GMCL1: variants seen among roughly 807,000 people sequenced by gnomAD.
GMCL1 encodes the protein germ cell-less 1, spermatogenesis associated, also known as germ cell-less protein-like 1.
GMCL1 carries 54 observed loss-of-function variants against 75.5 expected under a neutral mutation model. That is an observed-to-expected ratio of 0.71 (90% CI 0.57 to 0.90). The LOEUF (loss-of-function observed/expected upper bound fraction) is 0.90. Among genes scored for constraint, GMCL1 ranks in the 40% least tolerant of loss-of-function variants. The probability of loss-of-function intolerance (pLI) is 0.00; values close to 1 mark genes in which losing one functional copy is unlikely to be tolerated. For missense variants in GMCL1, 537 were observed against 622.7 expected (o/e 0.86, Z 1.47); for synonymous variants, 210 against 209.6 (o/e 1.00, Z -0.02).
chr2:69,831,657 G>A (rs1294800652), intron 1 of GMCL1, among the ~76,000 whole-genome samples: 1 of 151,986 alleles, frequency 6.6e-6, no homozygotes, highest in Non-Finnish European at 1.5e-5. Context: ...GCCCAGGCTG[G>A]AATGCAGTGG....
Position 69,849,667 on chromosome 2 carries a change from C to T in GMCL1, c.859C>T (p.Leu287Phe). 1.3e-6 allele frequency: 2 copies of T among 1,573,452 alleles called. No homozygotes were observed. The highest frequency in any genetic ancestry group is 1.7e-6 in the Non-Finnish European group (2 of 1,160,096). Residue 287 changes from leucine to phenylalanine, a missense_variant, in exon 8 of 14, where the codon CTT becomes TTT. By Grantham distance (22) the Leu-to-Phe change is conservative. Around this residue, in one of 3 missense-constraint regions of GMCL1, gnomAD observed 345 missense variants for 410.5 expected, o/e 0.84. Transcript: ENST00000282570. ...TTTAACTTAGTGGATGTTCCTTCAACTTGTGCCTTCTTGGAATGGATCTTT... is the reference window on the plus strand; with the variant it reads ...TTTAACTTAGTGGATGTTCCTTCAATTTGTGCCTTCTTGGAATGGATCTTT... ...TALKKWMFLQ[L>F]VPSWNGSLKQ...
intron 13 of GMCL1, 145 bp downstream of exon 13, chr2:69,871,977 G>C: frequency 1.7e-6 from 1 of 574,834 alleles, no homozygotes; most frequent in Non-Finnish European, 3.0e-6. Context: ...AAAGATGAAA[G>C]TACCACATTC....
chr2:69,869,545 C>T (rs899598662), intron 11 of GMCL1, 174 bp from the exon 12 acceptor site: 18 of 549,566 alleles, frequency 3.3e-5, no homozygotes, highest in Admixed American at 2.9e-4. Context: ...GCTTTTCTAG[C>T]TTAGATAAAT....
In GMCL1 at chr2:69,838,808, G is replaced by A. The variant is rs117773709; in HGVS notation, c.385-649G>A. Among the ~76,000 whole-genome samples the A allele has an allele frequency of 1.9e-4, 29 of 152,208 alleles. No homozygotes were observed. The East Asian group carries it at 5.6e-3, about 29-fold the overall frequency. ...TCGTGGAAGATGTATTATAATTCAAGCCACATGCTAAAATATAAGCCCCCT... is the reference window on the plus strand; with the variant it reads ...TCGTGGAAGATGTATTATAATTCAAACCACATGCTAAAATATAAGCCCCCT... On this transcript the variant is annotated intron_variant, in intron 2 of 13. Coordinates refer to ENST00000282570, the MANE Select transcript of GMCL1 (RefSeq NM_178439.5).
At chr2:69,858,689 A>AAG (rs1388027744) in intron 9 of GMCL1, among the ~76,000 whole-genome samples, 21 of 152,186 alleles carry the variant, frequency 1.4e-4, no homozygotes, top group African/African-American at 5.1e-4. Flanking sequence ...CATGGGACCT[A>AAG]GAATCCTTGA....
At chr2:69,845,905 C>T (rs982617718) in intron 6 of GMCL1, among the ~76,000 whole-genome samples, 15 of 150,654 alleles carry the variant, frequency 1.0e-4, no homozygotes, top group African/African-American at 3.7e-4. Flanking sequence ...TGGAAATGTA[C>T]AAAACCAAAG....
intron 8 of GMCL1, among the ~76,000 whole-genome samples, chr2:69,852,158 G>C (rs1675336849): frequency 6.6e-6 from 1 of 152,220 alleles, no homozygotes. Context: ...AGTAGAAACA[G>C]TAGATATTAG....
At chr2:69,858,705 C>CA (rs1675552716) in intron 9 of GMCL1, among the ~76,000 whole-genome samples, 1 of 152,068 alleles carries the variant, frequency 6.6e-6, no homozygotes, top group Admixed American at 6.5e-5. Context: ...CTTGAGCTAC[C>CA]AATGACCAGA....
intron 8 of GMCL1, among the ~76,000 whole-genome samples, chr2:69,850,094 C>T (rs1675270489): frequency 6.6e-6 from 1 of 152,166 alleles, no homozygotes; most frequent in African/African-American, 2.4e-5. Flanking sequence ...TTTTCTCTAA[C>T]AAGCTATACC....
At chr2:69,833,142 T>A (rs1674722334) in intron 1 of GMCL1, among the ~76,000 whole-genome samples, 1 of 152,234 alleles carries the variant, frequency 6.6e-6, no homozygotes, top group Non-Finnish European at 1.5e-5. Flanking sequence ...AGGCTAAAGA[T>A]ATTTACTATC....
At chr2:69,869,625 G>A (rs1675926374) in intron 11 of GMCL1, 94 bp from the exon 12 acceptor site, 1 of 1,249,878 alleles carries the variant, frequency 8.0e-7, no homozygotes, top group Non-Finnish European at 1.1e-6. Context: ...GAAATACTTG[G>A]AATGAGTTAG....
intron 12 of GMCL1, among the ~76,000 whole-genome samples, chr2:69,870,680 C>G (rs1315728458): frequency 6.6e-6 from 1 of 152,170 alleles, no homozygotes; most frequent in African/African-American, 2.4e-5. Flanking sequence ...GAAAACTCAA[C>G]TCAGCTCAAA....
At chr2:69,831,514 T>C (rs960585157) in intron 1 of GMCL1, among the ~76,000 whole-genome samples, 10 of 152,114 alleles carry the variant, frequency 6.6e-5, no homozygotes, top group African/African-American at 2.2e-4. Flanking sequence ...CACCTAAGCC[T>C]CCCAAAGGGC....
intron 6 of GMCL1, among the ~76,000 whole-genome samples, chr2:69,846,117 T>G (rs1675132092): frequency 6.6e-6 from 1 of 151,894 alleles, no homozygotes; most frequent in African/African-American, 2.4e-5. Flanking sequence ...GATTATGGGG[T>G]TTTTTTCCTT....
At chr2:69,833,118 C>G (rs114171226) in intron 1 of GMCL1, among the ~76,000 whole-genome samples, 3 of 152,226 alleles carry the variant, frequency 2.0e-5, no homozygotes, top group Non-Finnish European at 2.9e-5. Context: ...TATTTGGAGG[C>G]CTTTTGGCCC....
Position 69,841,009 on chromosome 2 carries a change from C to A in GMCL1, c.549C>A (p.Ala183=), listed in dbSNP as rs758981584. 8 of 1,613,802 alleles carry A rather than the reference C, an allele frequency of 5.0e-6. No homozygotes were observed. Among genetic ancestry groups the A allele is most frequent in the Non-Finnish European group, 6.8e-6 (8 of 1,179,894 alleles). The part of the protein sequence containing the change: ...DVLIKPSRVV[A]ILAAACLLQL... Reference sequence around the variant, plus strand: ...TGATAAAGCCCAGTCGAGTTGTTGCCATTTTGGCAGCAGCTTGTTTGCTGC... The same window carrying A: ...TGATAAAGCCCAGTCGAGTTGTTGCAATTTTGGCAGCAGCTTGTTTGCTGC... The change falls in exon 4 of 14, where the codon GCC becomes GCA. Residue 183 remains alanine, a synonymous_variant. Transcript: ENST00000282570.
intron 7 of GMCL1, 79 bp downstream of exon 7, chr2:69,847,706 T>G: frequency 1.3e-6 from 1 of 785,530 alleles, no homozygotes; most frequent in African/African-American, 1.7e-5. Context: ...CTGGAAACAG[T>G]ATCCAGTAAT....
At chr2:69,865,145 T>C (rs944127280) in intron 11 of GMCL1, among the ~76,000 whole-genome samples, 170 bp downstream of exon 11, 3 of 152,244 alleles carry the variant, frequency 2.0e-5, no homozygotes, top group African/African-American at 7.2e-5. Flanking sequence ...CACTCAGTAG[T>C]GATTGATTAC....
intron 9 of GMCL1, 23 bp from the exon 10 acceptor site, chr2:69,861,255 A>C: frequency 1.3e-5 from 19 of 1,477,860 alleles, no homozygotes; most frequent in Non-Finnish European, 1.8e-5. Context: ...ATTTATTATT[A>C]TTAATTTATT....
Sources: gnomAD v4.1 joint callset for allele counts (sites outside exome capture counted in the v4.1 genomes callset) on GRCh38, gnomAD v4.1.1 for gene constraint, gnomAD v4.1.1 regional missense constraint, MANE v1.5 for transcripts, NCBI Gene and HGNC (gene_info 2026-07-23, HGNC 2026-07-21) for gene names.